IGFBP5: variants seen among roughly 807,000 people sequenced by gnomAD.
IGFBP5 encodes insulin-like growth factor-binding protein 5.
A neutral mutation model predicts 28.0 loss-of-function variants in IGFBP5; 12 were observed. The observed-to-expected ratio is 0.43, with a 90% CI of 0.27 to 0.69. The LOEUF (loss-of-function observed/expected upper bound fraction) is 0.69. Ranked by LOEUF, IGFBP5 falls within the 30% of genes least tolerant of loss-of-function variation. IGFBP5 has a pLI of 0.20. For synonymous variants in IGFBP5, 152 were observed against 150.2 expected, an observed-to-expected ratio of 1.01 and a Z score of -0.09; for missense variants, 344 against 381.6, an observed-to-expected ratio of 0.90 and a Z score of 0.82.
chr2:216,680,913 C>A (rs1240626593), intron 1 of IGFBP5, among the ~76,000 whole-genome samples: 1 of 152,102 alleles, frequency 6.6e-6, no homozygotes, highest in Non-Finnish European at 1.5e-5. Flanking sequence ...TCTATCAGAC[C>A]CTGCTGTGAC....
In IGFBP5 at chr2:216,672,449, G is replaced by A. The variant is rs769800446; in HGVS notation, c.*4302C>T. ...AAAACAAAAAAGAGGAGAGAACAGA[G>A]TTATGGTATGAATGTATGTAAAACT... On this transcript the variant is annotated 3_prime_UTR_variant, in exon 4 of 4. Transcript: ENST00000233813. 9.3e-5 allele frequency: 14 copies of A among 149,792 alleles called. No homozygotes were observed. The highest frequency in any genetic ancestry group is 1.3e-4 in the Admixed American group (2 of 14,998). 9.3% of individuals were successfully genotyped at this position (149,792 alleles called of 1,614,324 possible).
rs1462453198 is a variant in IGFBP5, at chr2:216,679,409, A to C, written c.338-330T>G. 2.0e-5 allele frequency among the ~76,000 whole-genome samples: 3 copies of C among 151,940 alleles called. No homozygotes were observed. The highest frequency in any genetic ancestry group is 4.4e-5 in the Non-Finnish European group (3 of 67,990). On this transcript the variant is annotated intron_variant, in intron 1 of 3. Coordinates refer to ENST00000233813, the MANE Select transcript of IGFBP5 (RefSeq NM_000599.4). This position sits in a 1 kb window ranked among gnomAD's most constrained non-coding sequence, Gnocchi z 4.6. ...GGGCAGTAAGGAGGAAGGGCAAGGA[A>C]AATGGCCTCTGCAAGGATGAAGGTG...
chr2:216,676,829 G>A lies in IGFBP5; in HGVS notation c.741C>T (p.Tyr247=), dbSNP rs768461725. The A allele has an allele frequency of 1.3e-5, 21 of 1,613,810 alleles. No homozygotes were observed. The highest frequency in any genetic ancestry group is 4.5e-5 in the East Asian group (2 of 44,870). The change falls in exon 4 of 4, where the codon TAC becomes TAT. Residue 247 remains tyrosine, a synonymous_variant. Transcript: ENST00000233813. ...ACTCCATGCCTGGCAGCTTCATCCC[G>A]TACTTGTCCACGCACCAGCAGATGC... ...KRGICWCVDK[Y]GMKLPGMEYV...
chr2:216,684,495 G>A (rs1464679496), intron 1 of IGFBP5, among the ~76,000 whole-genome samples: 1 of 152,214 alleles, frequency 6.6e-6, no homozygotes, highest in Non-Finnish European at 1.5e-5. Context: ...TCACAGTCCA[G>A]GAAGAGTGTC....
chr2:216,694,972 G>A lies in IGFBP5; in HGVS notation c.-197C>T, dbSNP rs548523168. The A allele has an allele frequency of 4.9e-6, 2 of 405,940 alleles. No individual in the cohort carries two copies. Among genetic ancestry groups the A allele is most frequent in the Admixed American group, 4.3e-5 (1 of 23,274 alleles). The allele number at this position is 405,940 out of a possible 1,614,324, so 25.1% of individuals were successfully genotyped here. On this transcript the variant is annotated 5_prime_UTR_variant, in exon 1 of 4. Coordinates refer to ENST00000233813, the MANE Select transcript of IGFBP5 (RefSeq NM_000599.4). This position sits in a 1 kb window ranked among gnomAD's most constrained non-coding sequence, Gnocchi z 5.2. ...GGAGGGCTGGGGTGCCTGCGAGCAG[G>A]TCCCAGTTGCAAGAATTAAAGCCTT... is the stretch of plus-strand genomic sequence containing the variant.
At chr2:216,678,605 C>T (rs1688932656) in intron 2 of IGFBP5, among the ~76,000 whole-genome samples, 2 of 152,164 alleles carry the variant, frequency 1.3e-5, no homozygotes, top group East Asian at 1.9e-4. Context: ...TGGTACGTGG[C>T]CGCTGGGCTG....
At chr2:216,685,003 G>A (rs1463372243) in intron 1 of IGFBP5, among the ~76,000 whole-genome samples, 2 of 152,188 alleles carry the variant, frequency 1.3e-5, no homozygotes, top group Non-Finnish European at 2.9e-5. Flanking sequence ...TACTACTTAG[G>A]CCAGGCATGG....
rs1235933808 is a variant in IGFBP5, at chr2:216,679,647, G to A, written c.338-568C>T. Among the ~76,000 whole-genome samples the A allele has an allele frequency of 6.6e-6, 1 of 152,132 alleles. No individual in the cohort carries two copies. The highest frequency in any genetic ancestry group is 1.5e-5 in the Non-Finnish European group (1 of 68,024). On this transcript the variant is annotated intron_variant, in intron 1 of 3. Transcript: ENST00000233813. The surrounding 1 kb of genome is among the most constrained non-coding windows in gnomAD (Gnocchi z 4.6). ...GTCTCTTTGGACCTGGGGAACCTAG[G>A]AGGAGGGGGTCCTGGGGTCTGGAGC...
chr2:216,677,643 A>G (rs1227931427), intron 3 of IGFBP5, among the ~76,000 whole-genome samples: 1 of 152,160 alleles, frequency 6.6e-6, no homozygotes, highest in Non-Finnish European at 1.5e-5. Flanking sequence ...AGGTCTACCA[A>G]TCAGAAACTG....
Position 216,676,483 on chromosome 2 carries a change from T to C in IGFBP5, c.*268A>G, listed in dbSNP as rs556028632. 3.7e-6 allele frequency: 1 copy of C among 268,948 alleles called. No individual in the cohort carries two copies. The highest frequency in any genetic ancestry group is 4.5e-5 in the South Asian group (1 of 22,120). The allele number at this position is 268,948 out of a possible 1,614,324, so 16.7% of individuals were successfully genotyped here. ...TCTCTTCCTCTCGTTCTTCCTCTCT[T>C]CCCTTCTCTGTTCATCCAACTTGCC... On this transcript the variant is annotated 3_prime_UTR_variant, in exon 4 of 4. Coordinates refer to ENST00000233813, the MANE Select transcript of IGFBP5 (RefSeq NM_000599.4).
chr2:216,689,146 G>A (rs3755136), intron 1 of IGFBP5, among the ~76,000 whole-genome samples: 7,729 of 152,186 alleles, frequency 0.051, 381 homozygotes, highest in Admixed American at 0.14. Context: ...TTGGCACCAC[G>A]TGAGGACTGT....
Position 216,694,518 on chromosome 2 carries a change from C to T in IGFBP5, c.258G>A (p.Glu86=). The stretch of plus-strand genomic sequence containing the variant: ...GCAGCAGGGCGTGCAGCGGCTTCTC[C>T]TCGTCCTGCCGGGGGAGGCAGCGCA... ...QGLRCLPRQD[E]EKPLHALLHG... Residue 86 remains glutamate (E), a synonymous_variant, in exon 1 of 4, where the codon GAG becomes GAA. Coordinates refer to ENST00000233813, the MANE Select transcript of IGFBP5 (RefSeq NM_000599.4). The surrounding 1 kb of genome is among the most constrained non-coding windows in gnomAD (Gnocchi z 5.2). 1 of 1,586,346 alleles carries T rather than the reference C, an allele frequency of 6.3e-7. No homozygotes were observed. The highest frequency in any genetic ancestry group is 8.6e-7 in the Non-Finnish European group (1 of 1,169,528).
Position 216,672,925 on chromosome 2 carries a change from C to G in IGFBP5, c.*3826G>C, listed in dbSNP as rs1367194306. 1.3e-5 allele frequency: 2 copies of G among 152,680 alleles called. No homozygotes were observed. Among genetic ancestry groups the G allele is most frequent in the Non-Finnish European group, 2.9e-5 (2 of 68,040 alleles). 9.5% of individuals were successfully genotyped at this position (152,680 alleles called of 1,614,324 possible). A position where few individuals can be genotyped will look rare whatever the true frequency, so the allele number is the denominator to read the frequency against. On this transcript the variant is annotated 3_prime_UTR_variant, in exon 4 of 4. Coordinates refer to ENST00000233813, the MANE Select transcript of IGFBP5 (RefSeq NM_000599.4). The stretch of plus-strand genomic sequence containing the variant: ...ACTTTAGTGGTTTTAAAAACACAGA[C>G]AGTACAAGGCCCAGGTTGCTGGCTG...
Position 216,694,027 on chromosome 2 carries a change from T to A in IGFBP5, c.337+412A>T, listed in dbSNP as rs1483234661. On this transcript the variant is annotated intron_variant, in intron 1 of 3. Transcript: ENST00000233813. This position sits in a 1 kb window ranked among gnomAD's most constrained non-coding sequence, Gnocchi z 5.2. The stretch of plus-strand genomic sequence containing the variant: ...AAAATAATATTTTAACAAAAGAGAT[T>A]TTTTTTCCAAGTTCAGAAAAAAACC... Among the ~76,000 whole-genome samples the A allele has an allele frequency of 2.8e-4, 4 of 14,164 alleles. No individual in the cohort carries two copies. Among genetic ancestry groups the A allele is most frequent in the Admixed American group, 1.6e-3 (1 of 616 alleles). The allele number at this position is 14,164 out of a possible 152,430, so 9.3% of individuals were successfully genotyped here.
In IGFBP5 at chr2:216,674,836, G is replaced by A. The variant is rs1020995227; in HGVS notation, c.*1915C>T. On this transcript the variant is annotated 3_prime_UTR_variant, in exon 4 of 4. Transcript: ENST00000233813. This position sits in a 1 kb window ranked among gnomAD's most constrained non-coding sequence, Gnocchi z 4.4. ...AATGGAGGAAGAGCTGGAAAGACTC[G>A]TGGGCCTCAGTCCCTCATTGCAGGC... 1 of 152,206 alleles carries A rather than the reference G, an allele frequency of 6.6e-6. No homozygotes were observed. Among genetic ancestry groups the A allele is most frequent in the African/African-American group, 2.4e-5 (1 of 41,432 alleles). The allele number at this position is 152,206 out of a possible 1,614,324, so 9.4% of individuals were successfully genotyped here. A position where few individuals can be genotyped will look rare whatever the true frequency, so the allele number is the denominator to read the frequency against.
rs2106227930 is a variant in IGFBP5 at position 216,694,307 on chromosome 2, G to A, written c.337+132C>T. ...CCAGGGCTCCAATTCCGGGGTGCAA[G>A]GACCCTCCCCGACTACTCCCGAGCT... On this transcript the variant is annotated intron_variant, in intron 1 of 3. Coordinates refer to ENST00000233813, the MANE Select transcript of IGFBP5 (RefSeq NM_000599.4). The surrounding 1 kb of genome is among the most constrained non-coding windows in gnomAD (Gnocchi z 5.2). 2 of 704,268 alleles carry A rather than the reference G, an allele frequency of 2.8e-6. No homozygotes were observed. The highest frequency in any genetic ancestry group is 4.0e-5 in the South Asian group (2 of 49,404). The allele number at this position is 704,268 out of a possible 1,614,324, so 43.6% of individuals were successfully genotyped here. A position where few individuals can be genotyped will look rare whatever the true frequency, so the allele number is the denominator to read the frequency against.
At position 216,678,262 on chromosome 2, in the gene IGFBP5, G is replaced by C. The variant is rs369905310; in HGVS notation, c.568-31C>G. Reference sequence around the variant, plus strand: ...TGGACAGGAGGGTGAGAGGCGTGGCGAGACCAAGGGAAAACCACCCAGCTG... The same window carrying C: ...TGGACAGGAGGGTGAGAGGCGTGGCCAGACCAAGGGAAAACCACCCAGCTG... On this transcript the variant is annotated intron_variant, in intron 2 of 3. Coordinates refer to ENST00000233813, the MANE Select transcript of IGFBP5 (RefSeq NM_000599.4). The C allele has an allele frequency of 8.1e-6, 12 of 1,488,104 alleles. No homozygotes were observed. The African/African-American group carries it at 1.4e-4, about 17-fold the overall frequency. The allele number at this position is 1,488,104 out of a possible 1,614,324, so 92.2% of individuals were successfully genotyped here. A position where few individuals can be genotyped will look rare whatever the true frequency, so the allele number is the denominator to read the frequency against.
intron 1 of IGFBP5, among the ~76,000 whole-genome samples, chr2:216,693,631 G>GA (rs1336626319): frequency 6.6e-6 from 1 of 152,102 alleles, no homozygotes; most frequent in Non-Finnish European, 1.5e-5. Flanking sequence ...ATTAGATTCA[G>GA]AAACGAACAC....
At chr2:216,687,724 C>A (rs1689047344) in intron 1 of IGFBP5, among the ~76,000 whole-genome samples, 2 of 152,172 alleles carry the variant, frequency 1.3e-5, no homozygotes, top group South Asian at 4.1e-4. Flanking sequence ...TGGGGAGCAG[C>A]CTCTGGAGGA....
Sources: allele counts gnomAD v4.1 joint callset (sites outside exome capture counted in the v4.1 genomes callset), GRCh38; gene constraint gnomAD v4.1.1; non-coding constraint Gnocchi (gnomAD v3.1); transcripts MANE v1.5; gene names NCBI Gene and HGNC (gene_info 2026-07-23, HGNC 2026-07-21).